The following COQ8A variants were observed in gnomAD, a reference collection of about 807,000 sequenced individuals.
COQ8A encodes atypical kinase COQ8A, mitochondrial.
In COQ8A, 51 loss-of-function variants were observed where a neutral mutation model predicts 65.0. That is an observed-to-expected ratio of 0.78 (90% CI 0.63 to 0.99). The LOEUF (loss-of-function observed/expected upper bound fraction) is 0.99. Among genes scored for constraint, COQ8A ranks in the 50% least tolerant of loss-of-function variants. The pLI is 0.00. For missense variants in COQ8A, 940 were observed against 875.0 expected (o/e 1.07, Z -0.94); for synonymous variants, 371 against 353.2 (o/e 1.05, Z -0.57).
intron 2 of COQ8A, among the ~76,000 whole-genome samples, chr1:226,964,247 T>C (rs913612262): frequency 4.6e-5 from 7 of 152,214 alleles, no homozygotes; most frequent in African/African-American, 1.2e-4. Context: ...TTCCTGGCCC[T>C]GTCTGTGGCC....
chr1:226,942,001 G>T (rs888450879), intron 1 of COQ8A, among the ~76,000 whole-genome samples: 2 of 152,088 alleles, frequency 1.3e-5, no homozygotes, highest in African/African-American at 4.8e-5. Flanking sequence ...TCTTCGTTGT[G>T]GGAGACCTGG....
intron 1 of COQ8A, among the ~76,000 whole-genome samples, chr1:226,945,375 G>C (rs547866750): frequency 4.4e-4 from 67 of 152,330 alleles, no homozygotes; most frequent in African/African-American, 1.6e-3. Flanking sequence ...GAGGGGTCCT[G>C]GGGACAGTCC....
At chr1:226,971,828 G>A (rs1658926181) in intron 4 of COQ8A, among the ~76,000 whole-genome samples, 1 of 152,126 alleles carries the variant, frequency 6.6e-6, no homozygotes, top group Admixed American at 6.5e-5. Context: ...ATGCTTGAGT[G>A]TGGTTTGCTT....
At chr1:226,954,021 T>C (rs545707185) in intron 1 of COQ8A, among the ~76,000 whole-genome samples, 2 of 152,274 alleles carry the variant, frequency 1.3e-5, no homozygotes, top group Admixed American at 1.3e-4. Flanking sequence ...AGGCTAGAAA[T>C]TGAGAATGTT....
intron 6 of COQ8A, 112 bp from the exon 7 acceptor site, chr1:226,982,566 C>A: frequency 1.7e-6 from 2 of 1,168,208 alleles, no homozygotes; most frequent in Non-Finnish European, 1.3e-6. Context: ...CTCACCCGTG[C>A]TCCTGGTGGG....
In COQ8A at chr1:226,981,953, G is replaced by C. The variant is rs183911703; in HGVS notation, c.731-74G>C. On this transcript the variant is annotated intron_variant, in intron 5 of 14. Transcript: ENST00000366777. ...AAGGACATTGTCTGAGCCTCCGTCT[G>C]TATCAGGTGGGGCTTGCCATCCCAC... 3,508 of 1,603,780 alleles carry C rather than the reference G, an allele frequency of 2.2e-3. 4 individuals are homozygous for C. The highest frequency in any genetic ancestry group is 2.8e-3 in the Non-Finnish European group (3,317 of 1,171,906).
intron 4 of COQ8A, among the ~76,000 whole-genome samples, chr1:226,968,639 T>C (rs1262716388): frequency 6.6e-6 from 1 of 152,114 alleles, no homozygotes; most frequent in South Asian, 2.1e-4. Context: ...CACGGGGTTA[T>C]GAAGGAAAGG....
At chr1:226,971,516 C>T (rs1049284593) in intron 4 of COQ8A, among the ~76,000 whole-genome samples, 4 of 151,546 alleles carry the variant, frequency 2.6e-5, no homozygotes, top group African/African-American at 9.7e-5. Context: ...GGCGGCGTTG[C>T]ACTCCAGCCT....
chr1:226,980,740 C>T (rs1036592533), intron 5 of COQ8A, among the ~76,000 whole-genome samples: 3 of 152,266 alleles, frequency 2.0e-5, no homozygotes, highest in African/African-American at 7.2e-5. Context: ...CTGTCTGGGA[C>T]CCTGGAGTGA....
At chr1:226,957,510 G>C (rs1657878047) in intron 1 of COQ8A, among the ~76,000 whole-genome samples, 2 of 152,128 alleles carry the variant, frequency 1.3e-5, no homozygotes, top group African/African-American at 2.4e-5. Flanking sequence ...TTGAACAGTG[G>C]CTTGGTAATG....
chr1:226,945,273 G>A (rs1656966067), intron 1 of COQ8A, among the ~76,000 whole-genome samples: 1 of 152,224 alleles, frequency 6.6e-6, no homozygotes, highest in Non-Finnish European at 1.5e-5. Context: ...CTTGCTGTTG[G>A]TCCTCCCCGT....
In COQ8A at chr1:226,987,363, C is replaced by CCAGA. The variant is rs983198796; in HGVS notation, c.*629_*632dup. ...GGTGGGAGCAGCGGAACAGGGAATG[C>CCAGA]CAGACACAGGCTCGCTGCTGCTGGA... On this transcript the variant is annotated 3_prime_UTR_variant, in exon 15 of 15. Transcript: ENST00000366777. 1 of 153,262 alleles carries CCAGA rather than the reference C, an allele frequency of 6.5e-6. No individual in the cohort carries two copies. Among genetic ancestry groups the CCAGA allele is most frequent in the African/African-American group, 2.4e-5 (1 of 41,458 alleles). 9.5% of individuals were successfully genotyped at this position (153,262 alleles called of 1,614,324 possible).
chr1:226,980,271 C>T (rs1659607152), intron 5 of COQ8A, among the ~76,000 whole-genome samples: 1 of 152,258 alleles, frequency 6.6e-6, no homozygotes, highest in Non-Finnish European at 1.5e-5. Flanking sequence ...CCAGCCCTGC[C>T]TGGGTGGGGG....
chr1:226,985,169 G>A, intron 13 of COQ8A, 85 bp from the exon 14 acceptor site: 2 of 1,458,518 alleles, frequency 1.4e-6, no homozygotes, highest in Non-Finnish European at 1.9e-6. Flanking sequence ...GGTGGGGTGG[G>A]CTCGGGTGTG....
chr1:226,960,608 CGGTGGTGAT>C (rs1187098244), intron 1 of COQ8A, among the ~76,000 whole-genome samples: 3 of 67,478 alleles, frequency 4.4e-5, no homozygotes, highest in African/African-American at 1.5e-4. Context: ...GCGGCAGTGG[CGGTGGTGAT>C]GGTGGTGGTG....
chr1:226,983,177 C>T (rs1659825358), intron 8 of COQ8A, 143 bp downstream of exon 8: 1 of 1,264,656 alleles, frequency 7.9e-7, no homozygotes, highest in Middle Eastern at 2.8e-4. Context: ...CTTCTGGCCC[C>T]AGTGCCTGGA....
intron 5 of COQ8A, among the ~76,000 whole-genome samples, chr1:226,980,267 C>T (rs1659606896): frequency 6.6e-6 from 1 of 152,234 alleles, no homozygotes; most frequent in African/African-American, 2.4e-5. Context: ...ACAGCCAGCC[C>T]TGCCTGGGTG....
chr1:226,948,940 C>T (rs1657205596), intron 1 of COQ8A, among the ~76,000 whole-genome samples: 1 of 152,126 alleles, frequency 6.6e-6, no homozygotes, highest in Non-Finnish European at 1.5e-5. Context: ...CCACCCACCC[C>T]TCCATTTATA....
Position 226,983,544 on chromosome 1 carries a change from C to A in COQ8A, c.1081-8C>A. The A allele has an allele frequency of 5.6e-6, 9 of 1,613,586 alleles. No individual in the cohort carries two copies. Among genetic ancestry groups the A allele is most frequent in the Non-Finnish European group, 7.6e-6 (9 of 1,179,806 alleles). On this transcript the variant is annotated splice_region_variant and splice_polypyrimidine_tract_variant and intron_variant, in intron 8 of 14. Coordinates refer to ENST00000366777, the MANE Select transcript of COQ8A (RefSeq NM_020247.5). Reference sequence around the variant, plus strand: ...GCTAACTCCCCTGCCTCACCCATACCCCCACAGTACCCTGGCGTGGCCCAG... The same window carrying A: ...GCTAACTCCCCTGCCTCACCCATACACCCACAGTACCCTGGCGTGGCCCAG...
Sources: gnomAD v4.1 joint callset for allele counts (sites outside exome capture counted in the v4.1 genomes callset) on GRCh38, gnomAD v4.1.1 for gene constraint, MANE v1.5 for transcripts, NCBI Gene and HGNC (gene_info 2026-07-23, HGNC 2026-07-21) for gene names.